The following SLIT3 variants were observed in gnomAD, a reference collection of about 807,000 sequenced individuals.
SLIT3 encodes the protein slit guidance ligand 3.
Under a neutral mutation model 184.0 loss-of-function variants are expected in SLIT3, and 68 were observed. That is an observed-to-expected ratio of 0.37 (90% CI 0.30 to 0.45). SLIT3 has a LOEUF of 0.45. SLIT3 is among the 20% of genes least tolerant of loss of function. The pLI is 1.00. For synonymous variants in SLIT3, 831 were observed against 828.6 expected, an observed-to-expected ratio of 1.00 and a Z score of -0.05; for missense variants, 1,707 against 2,026.0, an observed-to-expected ratio of 0.84 and a Z score of 3.02.
intron 3 of SLIT3, among the ~76,000 whole-genome samples, chr5:169,198,990 T>TTATA (rs570660334): frequency 1.8e-4 from 24 of 133,614 alleles, no homozygotes; most frequent in South Asian, 2.5e-4. Context: ...GTGTGTATAT[T>TTATA]TATATATATA....
At chr5:169,141,551 A>C (rs1162814711) in intron 4 of SLIT3, among the ~76,000 whole-genome samples, 1 of 147,272 alleles carries the variant, frequency 6.8e-6, no homozygotes, top group Non-Finnish European at 1.5e-5. Context: ...CATCCTGGCT[A>C]ACACGGTGAA....
intron 4 of SLIT3, among the ~76,000 whole-genome samples, chr5:169,085,619 G>A (rs995227637): frequency 2.0e-5 from 3 of 152,076 alleles, no homozygotes; most frequent in Non-Finnish European, 4.4e-5. Context: ...TAAGAAGGAG[G>A]TTACCGCTGT....
At chr5:168,695,901 C>T (rs1762049744) in intron 28 of SLIT3, among the ~76,000 whole-genome samples, 1 of 152,162 alleles carries the variant, frequency 6.6e-6, no homozygotes, top group South Asian at 2.1e-4. Context: ...TAGCTCCTAG[C>T]TAAGTGTCTG....
chr5:168,672,279 A>G (rs1417903510), intron 33 of SLIT3, among the ~76,000 whole-genome samples: 1 of 151,986 alleles, frequency 6.6e-6, no homozygotes, highest in African/African-American at 2.4e-5. Context: ...GCCTCCCTAC[A>G]TCTGAACCAC....
At chr5:168,940,950 C>T (rs969190922) in intron 4 of SLIT3, among the ~76,000 whole-genome samples, 2 of 152,080 alleles carry the variant, frequency 1.3e-5, no homozygotes, top group Admixed American at 6.5e-5. Context: ...TGTTGTCATT[C>T]CTGAGTTATA....
intron 28 of SLIT3, among the ~76,000 whole-genome samples, chr5:168,695,650 A>G (rs1762037567): frequency 6.6e-6 from 1 of 152,140 alleles, no homozygotes; most frequent in South Asian, 2.1e-4. Flanking sequence ...TTTAGGGGTT[A>G]TTAATGTAGG....
In SLIT3 at chr5:168,748,339, C is replaced by T. The variant is rs372330697; in HGVS notation, c.2233G>A (p.Ala745Thr). The change falls in exon 20 of 36, where the codon GCC becomes ACC. Residue 745 changes from alanine to threonine, a missense_variant. By Grantham distance (58) the Ala-to-Thr change is moderately conservative. This residue lies in a region of SLIT3 where 1,307 missense variants were observed against 1,511.6 expected (regional missense o/e 0.86). Coordinates refer to ENST00000519560, the MANE Select transcript of SLIT3 (RefSeq NM_003062.4). ...TCCTTGGGCATGCCTCTGGGGAGGG[C>T]GCGGAGCCCCTTGTTGCTGCATCGC... ...VVRCSNKGLR[A>T]LPRGMPKDVT... 1.5e-4 allele frequency: 221 copies of T among 1,492,450 alleles called. No individual in the cohort carries two copies. The highest frequency in any genetic ancestry group is 1.9e-4 in the Non-Finnish European group (214 of 1,127,422). 92.5% of individuals were successfully genotyped at this position (1,492,450 alleles called of 1,614,324 possible).
At chr5:169,061,387 C>CA (rs1480851104) in intron 4 of SLIT3, among the ~76,000 whole-genome samples, 1 of 152,164 alleles carries the variant, frequency 6.6e-6, no homozygotes, top group East Asian at 1.9e-4. Context: ...GCTTGCCCCT[C>CA]AGGTCTGTAT....
chr5:168,827,428 C>G (rs1228240801), intron 6 of SLIT3, among the ~76,000 whole-genome samples: 1 of 152,148 alleles, frequency 6.6e-6, no homozygotes, highest in African/African-American at 2.4e-5. Context: ...TTTTGTTACT[C>G]AACGATTTTT....
chr5:168,934,180 C>T (rs1751427141), intron 4 of SLIT3, among the ~76,000 whole-genome samples: 1 of 152,214 alleles, frequency 6.6e-6, no homozygotes, highest in South Asian at 2.1e-4. Flanking sequence ...GAGAACGCTC[C>T]TCGTAGATGG....
Position 168,930,488 on chromosome 5 carries a change from T to C in SLIT3, c.414-47152A>G, listed in dbSNP as rs544746779. Reference sequence around the variant, plus strand: ...TAGCTGTGTGACTTTGACCAAGTGATGTAAACCCCTCCCAGCCTTAGTTTC... The same window carrying C: ...TAGCTGTGTGACTTTGACCAAGTGACGTAAACCCCTCCCAGCCTTAGTTTC... On this transcript the variant is annotated intron_variant, in intron 4 of 35. Coordinates refer to ENST00000519560, the MANE Select transcript of SLIT3 (RefSeq NM_003062.4). 5.9e-5 allele frequency among the ~76,000 whole-genome samples: 9 copies of C among 152,296 alleles called. No individual in the cohort carries two copies. In the South Asian group the frequency reaches 1.0e-3, roughly 18 times the overall value.
chr5:168,817,522 C>T, intron 7 of SLIT3, 59 bp from the exon 8 acceptor site: 1 of 1,566,370 alleles, frequency 6.4e-7, no homozygotes, highest in African/African-American at 1.3e-5. Context: ...GAGGCTGTCA[C>T]TGGCCAGACA....
intron 5 of SLIT3, among the ~76,000 whole-genome samples, chr5:168,870,486 G>C (rs557500727): frequency 6.6e-6 from 1 of 152,270 alleles, no homozygotes; most frequent in South Asian, 2.1e-4. Flanking sequence ...CCTCAACCTT[G>C]GAGTTGAGCT....
intron 1 of SLIT3, among the ~76,000 whole-genome samples, chr5:169,276,440 C>T (rs1331043975): frequency 6.6e-6 from 1 of 152,188 alleles, no homozygotes; most frequent in Non-Finnish European, 1.5e-5. Flanking sequence ...GGACTTCATC[C>T]TCTATCCTCT....
chr5:168,812,363 C>G (rs1757186661), intron 8 of SLIT3, among the ~76,000 whole-genome samples: 1 of 152,102 alleles, frequency 6.6e-6, no homozygotes, highest in South Asian at 2.1e-4. Context: ...TTTGAATGTT[C>G]CCAACACAAA....
chr5:169,283,161 T>A (rs1767044178), intron 1 of SLIT3, among the ~76,000 whole-genome samples: 1 of 152,238 alleles, frequency 6.6e-6, no homozygotes, highest in African/African-American at 2.4e-5. Context: ...CCACGCATAA[T>A]CTTTCTCATT....
chr5:168,938,626 C>T (rs755287932), intron 4 of SLIT3, among the ~76,000 whole-genome samples: 80 of 152,252 alleles, frequency 5.3e-4, no homozygotes, highest in African/African-American at 1.9e-3. Context: ...TTTCTCTACA[C>T]AATGATTATT....
intron 6 of SLIT3, among the ~76,000 whole-genome samples, chr5:168,831,816 C>T (rs957351478): frequency 9.2e-5 from 14 of 152,294 alleles, no homozygotes; most frequent in African/African-American, 2.9e-4. Flanking sequence ...AAGGGCTTGT[C>T]TTTGGTTCTT....
intron 4 of SLIT3, among the ~76,000 whole-genome samples, chr5:169,081,409 G>A (rs1412538035): frequency 6.6e-6 from 1 of 152,150 alleles, no homozygotes; most frequent in Non-Finnish European, 1.5e-5. Context: ...CTTAATGAAG[G>A]GTCTCCGTAA....
Sources: gnomAD v4.1 joint callset for allele counts (sites outside exome capture counted in the v4.1 genomes callset) on GRCh38, gnomAD v4.1.1 for gene constraint, gnomAD v4.1.1 regional missense constraint, MANE v1.5 for transcripts, NCBI Gene and HGNC (gene_info 2026-07-23, HGNC 2026-07-21) for gene names.